PNLIPRP3: variants seen among roughly 807,000 people sequenced by gnomAD.
PNLIPRP3 encodes pancreatic lipase-related protein 3.
A neutral mutation model predicts 52.8 loss-of-function variants in PNLIPRP3; 58 were observed. That is an observed-to-expected ratio of 1.10 (90% CI 0.89 to 1.37). PNLIPRP3 has a LOEUF of 1.37. Among genes scored for constraint, PNLIPRP3 ranks in the 40% most tolerant of loss-of-function variants. PNLIPRP3 has a pLI of 0.00. For synonymous variants in PNLIPRP3, 192 were observed against 185.0 expected, an observed-to-expected ratio of 1.04 and a Z score of -0.31; for missense variants, 593 against 561.6, an observed-to-expected ratio of 1.06 and a Z score of -0.57.
intron 4 of PNLIPRP3, among the ~76,000 whole-genome samples, chr10:116,454,293 A>AT (rs1041820750): frequency 3.3e-5 from 5 of 151,442 alleles, no homozygotes; most frequent in Non-Finnish European, 7.4e-5. Flanking sequence ...TAATTTTTCT[A>AT]TTTTTTTAGT....
intron 5 of PNLIPRP3, among the ~76,000 whole-genome samples, chr10:116,459,764 T>C (rs1668975574): frequency 6.6e-6 from 1 of 152,104 alleles, no homozygotes; most frequent in Admixed American, 6.5e-5. Context: ...TCTACTAGTG[T>C]TTCTTTTCTT....
intron 5 of PNLIPRP3, 128 bp from the exon 6 acceptor site, chr10:116,460,838 G>A (rs1846180804): frequency 7.9e-7 from 1 of 1,258,344 alleles, no homozygotes; most frequent in Non-Finnish European, 1.1e-6. Flanking sequence ...TTTAGGTTAT[G>A]TATCTGTACT....
chr10:116,436,900 T>C (rs781471832), intron 2 of PNLIPRP3, 35 bp downstream of exon 2: 3 of 1,532,180 alleles, frequency 2.0e-6, no homozygotes, highest in Non-Finnish European at 2.7e-6. Context: ...CATGGATTAT[T>C]CTAAAATATA....
At chr10:116,445,803 G>A (rs1845939968) in intron 4 of PNLIPRP3, among the ~76,000 whole-genome samples, 1 of 152,162 alleles carries the variant, frequency 6.6e-6, no homozygotes, top group Admixed American at 6.5e-5. Flanking sequence ...GATAATTCAG[G>A]ATTCAAGCTT....
chr10:116,449,015 CAAAAAAA>C (rs59582445), intron 4 of PNLIPRP3, among the ~76,000 whole-genome samples: 7 of 134,010 alleles, frequency 5.2e-5, no homozygotes, highest in Non-Finnish European at 7.9e-5. Flanking sequence ...GACTCCATCT[CAAAAAAA>C]AAAAAAAAAA....
At chr10:116,463,093 C>T (rs1846222811) in intron 7 of PNLIPRP3, among the ~76,000 whole-genome samples, 1 of 152,176 alleles carries the variant, frequency 6.6e-6, no homozygotes, top group Admixed American at 6.5e-5. Flanking sequence ...TAAGAGAAGT[C>T]TTTGTTTAAT....
chr10:116,437,718 A>G (rs1304981036), intron 2 of PNLIPRP3, among the ~76,000 whole-genome samples: 1 of 152,132 alleles, frequency 6.6e-6, no homozygotes, highest in African/African-American at 2.4e-5. Flanking sequence ...CTATGAGGCC[A>G]TTTAGAACTG....
chr10:116,430,226 C>T (rs1444937992), intron 1 of PNLIPRP3, among the ~76,000 whole-genome samples: 1 of 151,926 alleles, frequency 6.6e-6, no homozygotes, highest in African/African-American at 2.4e-5. Context: ...TAAAAGGTCT[C>T]TTCTCTTTGT....
At chr10:116,432,592 C>T (rs1351897405) in intron 1 of PNLIPRP3, among the ~76,000 whole-genome samples, 1 of 152,096 alleles carries the variant, frequency 6.6e-6, no homozygotes, top group African/African-American at 2.4e-5. Context: ...GTGGCAGTTG[C>T]TTAATAAAAC....
chr10:116,459,500 CT>C (rs1846160800), intron 5 of PNLIPRP3, among the ~76,000 whole-genome samples: 1 of 152,124 alleles, frequency 6.6e-6, no homozygotes, highest in African/African-American at 2.4e-5. Flanking sequence ...TGCTTGCAAG[CT>C]TACAACAGCT....
At chr10:116,440,253 CT>C (rs1845838743) in intron 2 of PNLIPRP3, among the ~76,000 whole-genome samples, 1 of 152,108 alleles carries the variant, frequency 6.6e-6, no homozygotes, top group Non-Finnish European at 1.5e-5. Context: ...TGGCCATGCA[CT>C]TGAATTCTGT....
At chr10:116,465,693 T>C (rs965392534) in intron 7 of PNLIPRP3, among the ~76,000 whole-genome samples, 2 of 152,186 alleles carry the variant, frequency 1.3e-5, no homozygotes, top group Admixed American at 6.5e-5. Context: ...CTTCACACTG[T>C]TTTTGGCTTA....
intron 7 of PNLIPRP3, among the ~76,000 whole-genome samples, chr10:116,464,481 C>A (rs1329365678): frequency 6.6e-6 from 1 of 152,206 alleles, no homozygotes; most frequent in Non-Finnish European, 1.5e-5. Context: ...TCAGCTCACT[C>A]TGCTGACCTG....
Position 116,477,179 on chromosome 10 carries a change from C to T in PNLIPRP3, c.*26C>T. ...TCTCAGATACAGTCTTGATGGATTT[C>T]TTTAGTAGGAGCAATGAAGAAAAGT... On this transcript the variant is annotated 3_prime_UTR_variant, in exon 12 of 12. Coordinates refer to ENST00000369230, the MANE Select transcript of PNLIPRP3 (RefSeq NM_001011709.3). 6.5e-7 allele frequency: 1 copy of T among 1,545,308 alleles called. No homozygotes were observed. The highest frequency in any genetic ancestry group is 8.9e-7 in the Non-Finnish European group (1 of 1,127,404).
In PNLIPRP3 at chr10:116,428,067, A is replaced by C; in HGVS notation, c.49+6A>C. On this transcript the variant is annotated splice_donor_region_variant and intron_variant, in intron 1 of 11. Transcript: ENST00000369230. ...GTTCTTTGGCACATCAAGAGGTAAG[A>C]TTCATAATTTATAATAAGTTCTTTA... 1 of 1,591,670 alleles carries C rather than the reference A, an allele frequency of 6.3e-7. No homozygotes were observed. Among genetic ancestry groups the C allele is most frequent in the Non-Finnish European group, 8.6e-7 (1 of 1,161,390 alleles).
intron 2 of PNLIPRP3, 126 bp from the exon 3 acceptor site, chr10:116,442,929 A>G (rs1197927706): frequency 1.7e-6 from 1 of 577,878 alleles, no homozygotes; most frequent in Non-Finnish European, 2.6e-6. Flanking sequence ...TAGTAAAAAT[A>G]TATTAAAGAA....
At chr10:116,439,640 T>G in intron 2 of PNLIPRP3, 1 of 764,242 alleles carries the variant, frequency 1.3e-6, no homozygotes, top group Non-Finnish European at 2.4e-6. Flanking sequence ...GCTTTTTCGC[T>G]GCCATTTAAG....
chr10:116,447,374 G>A (rs543591366), intron 4 of PNLIPRP3, among the ~76,000 whole-genome samples: 1 of 152,220 alleles, frequency 6.6e-6, no homozygotes, highest in South Asian at 2.1e-4. Context: ...CCCTCGCAGA[G>A]GTGGCTATTT....
chr10:116,470,676 T>C (rs911756810), intron 9 of PNLIPRP3, among the ~76,000 whole-genome samples: 1 of 151,762 alleles, frequency 6.6e-6, no homozygotes, highest in African/African-American at 2.4e-5. Context: ...GCTAGGCTAG[T>C]TTTTTGTATT....
Sources: allele counts gnomAD v4.1 joint callset (sites outside exome capture counted in the v4.1 genomes callset), GRCh38; gene constraint gnomAD v4.1.1; transcripts MANE v1.5; gene names NCBI Gene and HGNC (gene_info 2026-07-23, HGNC 2026-07-21).